Variants in ZBTB41 observed in about 807,000 individuals in gnomAD.
ZBTB41 encodes the protein zinc finger and BTB domain containing 41.
In ZBTB41, 42 loss-of-function variants were observed where a neutral mutation model predicts 87.6. That is an observed-to-expected ratio of 0.48 (90% CI 0.37 to 0.62). The LOEUF is 0.62. Ranked by LOEUF, ZBTB41 falls within the 20% of genes least tolerant of loss-of-function variation. ZBTB41 has a pLI of 0.00. For synonymous variants in ZBTB41, 364 were observed against 364.0 expected (o/e 1.00, Z 0.00); for missense variants, 799 against 1,078.9 (o/e 0.74, Z 3.63).
intron 10 of ZBTB41, among the ~76,000 whole-genome samples, chr1:197,164,953 C>A (rs1387609601): frequency 3.1e-5 from 2 of 64,524 alleles, no homozygotes; most frequent in African/African-American, 9.0e-5. Context: ...ATATATAATA[C>A]ATATCTAATA....
chr1:197,195,608 AG>A (rs1660144161), intron 2 of ZBTB41, among the ~76,000 whole-genome samples: 1 of 152,164 alleles, frequency 6.6e-6, no homozygotes, highest in Non-Finnish European at 1.5e-5. Context: ...TTTTTTTTAA[AG>A]GTATAAAACA....
intron 6 of ZBTB41, among the ~76,000 whole-genome samples, chr1:197,179,172 G>A (rs1231898055): frequency 6.6e-6 from 1 of 152,102 alleles, no homozygotes; most frequent in Admixed American, 6.6e-5. Context: ...GGGAAATAAA[G>A]TGAAAGGGAA....
At chr1:197,169,482 T>C (rs1209487398) in intron 10 of ZBTB41, among the ~76,000 whole-genome samples, 1 of 152,066 alleles carries the variant, frequency 6.6e-6, no homozygotes, top group African/African-American at 2.4e-5. Context: ...TTCACTTATA[T>C]GAAGTTCAAA....
At chr1:197,195,381 T>C (rs1660138538) in intron 2 of ZBTB41, among the ~76,000 whole-genome samples, 1 of 152,212 alleles carries the variant, frequency 6.6e-6, no homozygotes, top group South Asian at 2.1e-4. Context: ...ATTACCAATG[T>C]TAGATTTTGT....
intron 10 of ZBTB41, among the ~76,000 whole-genome samples, chr1:197,167,074 T>C (rs1021700371): frequency 6.6e-6 from 1 of 152,198 alleles, no homozygotes; most frequent in Non-Finnish European, 1.5e-5. Context: ...GGAAAAGATA[T>C]AGGCAATATG....
chr1:197,200,442 A>G lies in ZBTB41; in HGVS notation c.32T>C (p.Leu11Pro). Residue 11 changes from leucine to proline, a missense_variant, in exon 2 of 11, where the codon CTT becomes CCT. By Grantham distance (98) the Leu-to-Pro change is moderately conservative. Coordinates refer to ENST00000367405, the MANE Select transcript of ZBTB41 (RefSeq NM_194314.3). ...ATGATAGCCTAGATGGATCTTCTCAAGATTTGAAGTAACCTTTCTCCTCTT... is the reference window on the plus strand; with the variant it reads ...ATGATAGCCTAGATGGATCTTCTCAGGATTTGAAGTAACCTTTCTCCTCTT... MKKRRKVTSN[L>P]EKIHLGYHKD... The G allele has an allele frequency of 6.2e-7, 1 of 1,600,584 alleles. No homozygotes were observed. Among genetic ancestry groups the G allele is most frequent in the South Asian group, 1.1e-5 (1 of 87,770 alleles).
chr1:197,192,217 T>C (rs2125139211), intron 2 of ZBTB41, among the ~76,000 whole-genome samples: 1 of 152,294 alleles, frequency 6.6e-6, no homozygotes, highest in Admixed American at 6.5e-5. Flanking sequence ...AAACTTAAAT[T>C]TTTAAATGTA....
chr1:197,200,550 G>T lies in ZBTB41; in HGVS notation c.-77C>A. 1 of 1,416,588 alleles carries T rather than the reference G, an allele frequency of 7.1e-7. No homozygotes were observed. Among genetic ancestry groups the T allele is most frequent in the Non-Finnish European group, 9.4e-7 (1 of 1,064,700 alleles). 87.8% of individuals were successfully genotyped at this position (1,416,588 alleles called of 1,614,324 possible). A position where few individuals can be genotyped will look rare whatever the true frequency, so the allele number is the denominator to read the frequency against. On this transcript the variant is annotated 5_prime_UTR_variant, in exon 2 of 11. Coordinates refer to ENST00000367405, the MANE Select transcript of ZBTB41 (RefSeq NM_194314.3). ...TATAAAGGAAAACTAGATTGTCTTG[G>T]ATAACAGCTTCTGAAGGGGCGTGCC...
intron 5 of ZBTB41, among the ~76,000 whole-genome samples, chr1:197,186,641 C>G (rs369677414): frequency 2.0e-5 from 3 of 152,278 alleles, no homozygotes. Flanking sequence ...GTGGGTGGGT[C>G]ACCTGAGGTC....
rs1318419136 is a variant in ZBTB41, at chr1:197,188,438, A to G, written c.1400T>C (p.Ile467Thr). The G allele has an allele frequency of 6.3e-7, 1 of 1,593,560 alleles. No individual in the cohort carries two copies. The highest frequency in any genetic ancestry group is 1.4e-5 in the African/African-American group (1 of 73,908). ...KTKSESWKCD[I>T]CKKSFTRRPH... ...TCTTCGAGTAAAAGATTTCTTACAAATCTAAATTAAAATGCAAACAAAATG... is the reference window on the plus strand; with the variant it reads ...TCTTCGAGTAAAAGATTTCTTACAAGTCTAAATTAAAATGCAAACAAAATG... Residue 467 changes from isoleucine to threonine, a missense_variant and splice_region_variant, in exon 5 of 11, where the codon ATT becomes ACT. Physicochemically the swap from Ile to Thr is moderately conservative, Grantham distance 89. This residue lies in a region of ZBTB41 where 198 missense variants were observed against 358.4 expected (regional missense o/e 0.55). Coordinates refer to ENST00000367405, the MANE Select transcript of ZBTB41 (RefSeq NM_194314.3).
chr1:197,189,946 T>G (rs1275943369), intron 4 of ZBTB41, among the ~76,000 whole-genome samples: 1 of 152,006 alleles, frequency 6.6e-6, no homozygotes, highest in Non-Finnish European at 1.5e-5. Flanking sequence ...TGAGATGGAG[T>G]CTGGCTCTGT....
intron 3 of ZBTB41, among the ~76,000 whole-genome samples, chr1:197,191,459 A>C (rs1049471823): frequency 0.041 from 830 of 20,052 alleles, 6 homozygotes; most frequent in African/African-American, 0.045. Context: ...CCTACTTCAA[A>C]AAAAAAAAAA....
At position 197,200,526 on chromosome 1, in the gene ZBTB41, A is replaced by T; in HGVS notation, c.-53T>A. Reference sequence around the variant, plus strand: ...ACTTCATAAGTGTCTTAAGTGATTTATAAAGGAAAACTAGATTGTCTTGGA... The same window carrying T: ...ACTTCATAAGTGTCTTAAGTGATTTTTAAAGGAAAACTAGATTGTCTTGGA... On this transcript the variant is annotated 5_prime_UTR_variant, in exon 2 of 11. Transcript: ENST00000367405. 1 of 1,495,312 alleles carries T rather than the reference A, an allele frequency of 6.7e-7. No individual in the cohort carries two copies. The highest frequency in any genetic ancestry group is 8.9e-7 in the Non-Finnish European group (1 of 1,125,012). The allele number at this position is 1,495,312 out of a possible 1,614,324, so 92.6% of individuals were successfully genotyped here.
chr1:197,179,663 C>T (rs1418671489), intron 6 of ZBTB41, among the ~76,000 whole-genome samples: 1 of 151,992 alleles, frequency 6.6e-6, no homozygotes, highest in African/African-American at 2.4e-5. Flanking sequence ...ACAAGATGTG[C>T]AGGTGGAAGA....
chr1:197,166,141 G>GT (rs1481608564), intron 10 of ZBTB41, among the ~76,000 whole-genome samples: 1 of 152,032 alleles, frequency 6.6e-6, no homozygotes, highest in Admixed American at 6.6e-5. Context: ...GTATACCTAT[G>GT]TAACAAACCT....
intron 2 of ZBTB41, among the ~76,000 whole-genome samples, chr1:197,192,943 T>TA: frequency 6.6e-6 from 1 of 151,888 alleles, no homozygotes; most frequent in Non-Finnish European, 1.5e-5. Flanking sequence ...CTAAAAATAA[T>TA]AAAAAAACTG....
intron 4 of ZBTB41, among the ~76,000 whole-genome samples, chr1:197,189,420 G>C (rs973536885): frequency 2.0e-5 from 3 of 151,938 alleles, no homozygotes; most frequent in Admixed American, 6.6e-5. Flanking sequence ...CAGCTACTCG[G>C]GAGGCTGAGG....
At chr1:197,160,084 A>G (rs1659162677) in intron 10 of ZBTB41, 70 bp from the exon 11 acceptor site, 1 of 1,235,102 alleles carries the variant, frequency 8.1e-7, no homozygotes, top group African/African-American at 1.5e-5. Context: ...GACTTCAAGT[A>G]GCAAACTTCC....
At chr1:197,189,009 G>A (rs181034782) in intron 4 of ZBTB41, among the ~76,000 whole-genome samples, 49 of 152,304 alleles carry the variant, frequency 3.2e-4, no homozygotes, top group Middle Eastern at 6.8e-3. Flanking sequence ...CAATAATTCT[G>A]TGAGATAGAT....
Sources: gnomAD v4.1 joint callset for allele counts (sites outside exome capture counted in the v4.1 genomes callset) on GRCh38, gnomAD v4.1.1 for gene constraint, gnomAD v4.1.1 regional missense constraint, MANE v1.5 for transcripts, NCBI Gene and HGNC (gene_info 2026-07-23, HGNC 2026-07-21) for gene names.